The following SYNDIG1 variants were observed in gnomAD, a reference collection of about 807,000 sequenced individuals.
SYNDIG1 encodes the protein synapse differentiation inducing 1, also known as synapse differentiation-inducing gene protein 1.
A neutral mutation model predicts 19.4 loss-of-function variants in SYNDIG1; 9 were observed. The observed-to-expected ratio is 0.46, with a 90% CI of 0.28 to 0.81. The LOEUF (loss-of-function observed/expected upper bound fraction) is 0.81. SYNDIG1 is among the 30% of genes least tolerant of loss of function. SYNDIG1 has a pLI of 0.12. For synonymous variants in SYNDIG1, 141 were observed against 145.9 expected (o/e 0.97, Z 0.24); for missense variants, 311 against 343.3 (o/e 0.91, Z 0.74).
At chr20:24,577,504 C>A (rs1409900341) in intron 2 of SYNDIG1, among the ~76,000 whole-genome samples, 2 of 152,258 alleles carry the variant, frequency 1.3e-5, no homozygotes, top group Non-Finnish European at 2.9e-5. Flanking sequence ...CATGAAGACT[C>A]ATTCCCTTCT....
At chr20:24,612,181 C>G (rs934426496) in intron 3 of SYNDIG1, among the ~76,000 whole-genome samples, 85 of 152,216 alleles carry the variant, frequency 5.6e-4, no homozygotes, top group African/African-American at 1.9e-3. Context: ...TTCATTAATT[C>G]TCATCACCAC....
At chr20:24,560,487 A>G (rs1261248941) in intron 2 of SYNDIG1, among the ~76,000 whole-genome samples, 4 of 151,834 alleles carry the variant, frequency 2.6e-5, no homozygotes, top group Non-Finnish European at 5.9e-5. Flanking sequence ...TTCATTTCAT[A>G]TTGTATGTTC....
chr20:24,491,249 C>T (rs1039311079), intron 1 of SYNDIG1, among the ~76,000 whole-genome samples: 3 of 152,200 alleles, frequency 2.0e-5, no homozygotes, highest in South Asian at 2.1e-4. Flanking sequence ...AGTGGTGACT[C>T]GTGGAATACT....
chr20:24,589,334 G>A (rs2058469282), intron 3 of SYNDIG1, among the ~76,000 whole-genome samples: 1 of 152,138 alleles, frequency 6.6e-6, no homozygotes, highest in Admixed American at 6.5e-5. Context: ...AGCAAGTATG[G>A]GCACATGAGG....
chr20:24,561,135 T>C (rs1207969089), intron 2 of SYNDIG1, among the ~76,000 whole-genome samples: 1 of 152,156 alleles, frequency 6.6e-6, no homozygotes, highest in Non-Finnish European at 1.5e-5. Flanking sequence ...AAGGTTTCTC[T>C]GTCTGCCAGT....
At chr20:24,661,329 A>T in intron 3 of SYNDIG1, among the ~76,000 whole-genome samples, 1 of 101,508 alleles carries the variant, frequency 9.9e-6, no homozygotes, top group Non-Finnish European at 2.0e-5. Flanking sequence ...GGGAGGGAAG[A>T]GAGGGGGAGG....
intron 2 of SYNDIG1, among the ~76,000 whole-genome samples, chr20:24,554,322 G>T (rs2057767118): frequency 6.6e-6 from 1 of 152,108 alleles, no homozygotes; most frequent in Non-Finnish European, 1.5e-5. Flanking sequence ...AATTGCCCTG[G>T]CCAGTACTTC....
chr20:24,525,860 T>C (rs2057113550), intron 1 of SYNDIG1, among the ~76,000 whole-genome samples: 1 of 152,218 alleles, frequency 6.6e-6, no homozygotes, highest in African/African-American at 2.4e-5. Context: ...TATTACATTA[T>C]CCCCATAATT....
chr20:24,573,288 C>A (rs2058174463), intron 2 of SYNDIG1, among the ~76,000 whole-genome samples: 1 of 152,172 alleles, frequency 6.6e-6, no homozygotes, highest in Non-Finnish European at 1.5e-5. Context: ...ATTTATGTCC[C>A]AGTCACGTAG....
At chr20:24,517,757 GTGTA>G (rs995302421) in intron 1 of SYNDIG1, among the ~76,000 whole-genome samples, 13 of 143,766 alleles carry the variant, frequency 9.0e-5, no homozygotes, top group African/African-American at 3.4e-4. Context: ...GTGTGTGTGT[GTGTA>G]TATATATATA....
At chr20:24,475,932 C>A (rs2146205743) in intron 1 of SYNDIG1, among the ~76,000 whole-genome samples, 1 of 151,768 alleles carries the variant, frequency 6.6e-6, no homozygotes, top group South Asian at 2.1e-4. Context: ...ACAATCTCAG[C>A]TTACTGCAAC....
chr20:24,577,708 C>T (rs979983514), intron 2 of SYNDIG1, among the ~76,000 whole-genome samples: 2 of 152,230 alleles, frequency 1.3e-5, no homozygotes, highest in African/African-American at 4.8e-5. Flanking sequence ...GTCCTTGGTC[C>T]TGTCCTCAGT....
chr20:24,479,513 T>G (rs2055735541), intron 1 of SYNDIG1, among the ~76,000 whole-genome samples: 1 of 151,952 alleles, frequency 6.6e-6, no homozygotes, highest in South Asian at 2.1e-4. Context: ...CCCCTCAGGC[T>G]TCCCTTCCCA....
At chr20:24,549,936 C>A (rs1304355377) in intron 2 of SYNDIG1, among the ~76,000 whole-genome samples, 1 of 152,182 alleles carries the variant, frequency 6.6e-6, no homozygotes, top group Non-Finnish European at 1.5e-5. Flanking sequence ...AGATGTTCCT[C>A]CTCTTCTCCC....
intron 3 of SYNDIG1, among the ~76,000 whole-genome samples, chr20:24,611,888 T>C (rs1214651329): frequency 2.6e-5 from 4 of 152,326 alleles, no homozygotes; most frequent in Non-Finnish European, 4.4e-5. Flanking sequence ...AATCCTGTAA[T>C]TCAGGTGTTC....
chr20:24,604,188 A>G (rs2058720524), intron 3 of SYNDIG1, among the ~76,000 whole-genome samples: 1 of 151,784 alleles, frequency 6.6e-6, no homozygotes, highest in Non-Finnish European at 1.5e-5. Flanking sequence ...CACGGATTCC[A>G]CACACTCGAT....
rs966262749 is a variant in SYNDIG1 at position 24,548,848 on chromosome 20, G to C, written c.480+5271G>C. Among the ~76,000 whole-genome samples, 84 of 152,236 alleles carry C rather than the reference G, an allele frequency of 5.5e-4. 1 individual carries two copies. The highest frequency in any genetic ancestry group is 4.3e-4 in the Non-Finnish European group (29 of 68,012). Reference sequence around the variant, plus strand: ...GGTGATGTTTTTGTAGTTCTTTGTAGACACTCATAATCAGGTATAGGAAGT... The same window carrying C: ...GGTGATGTTTTTGTAGTTCTTTGTACACACTCATAATCAGGTATAGGAAGT... On this transcript the variant is annotated intron_variant, in intron 2 of 3. Coordinates refer to ENST00000376862, the MANE Select transcript of SYNDIG1 (RefSeq NM_024893.3).
chr20:24,558,234 C>T lies in SYNDIG1; in HGVS notation c.480+14657C>T, dbSNP rs59880334. ...CAATTTTAAGTTTCAATCTTTAAGA[C>T]CAGAAGTGTCAATTTCTCTATTTAT... is the stretch of plus-strand genomic sequence containing the variant. On this transcript the variant is annotated intron_variant, in intron 2 of 3. Transcript: ENST00000376862. Among the ~76,000 whole-genome samples the T allele has an allele frequency of 6.7e-3, 1,025 of 152,246 alleles. 10 individuals are homozygous for T. The highest frequency in any genetic ancestry group is 0.023 in the African/African-American group (969 of 41,526).
At position 24,543,273 on chromosome 20, in the gene SYNDIG1, C is replaced by T. The variant is rs369837050; in HGVS notation, c.176C>T (p.Pro59Leu). ...QSHRVGASTV[P>L]ASLDSSRSEP... Reference sequence around the variant, plus strand: ...CACCGGGTGGGGGCCAGCACAGTGCCGGCCAGCCTGGACAGCAGCAGGAGT... The same window carrying T: ...CACCGGGTGGGGGCCAGCACAGTGCTGGCCAGCCTGGACAGCAGCAGGAGT... Residue 59 changes from proline (P) to leucine (L), a missense_variant, in exon 2 of 4, where the codon CCG (proline) becomes CTG (leucine). Physicochemically the swap from Pro to Leu is moderately conservative, Grantham distance 98. Coordinates refer to ENST00000376862, the MANE Select transcript of SYNDIG1 (RefSeq NM_024893.3). 84 of 1,613,508 alleles carry T rather than the reference C, an allele frequency of 5.2e-5. No homozygotes were observed. The highest frequency in any genetic ancestry group is 1.8e-4 in the South Asian group (16 of 91,076).
Sources: gnomAD v4.1 joint callset for allele counts (sites outside exome capture counted in the v4.1 genomes callset) on GRCh38, gnomAD v4.1.1 for gene constraint, MANE v1.5 for transcripts, NCBI Gene and HGNC (gene_info 2026-07-23, HGNC 2026-07-21) for gene names.